LRRC4C: variants seen among roughly 807,000 people sequenced by gnomAD.
The protein encoded by LRRC4C is leucine-rich repeat-containing protein 4C.
Under a neutral mutation model 33.6 loss-of-function variants are expected in LRRC4C, and 5 were observed. The observed-to-expected ratio is 0.15, with a 90% CI of 0.08 to 0.31. The LOEUF (loss-of-function observed/expected upper bound fraction) is 0.31. Among genes scored for constraint, LRRC4C ranks in the 10% least tolerant of loss-of-function variants. The probability of loss-of-function intolerance (pLI) is 1.00; values close to 1 mark genes in which losing one functional copy is unlikely to be tolerated. For missense variants in LRRC4C, 560 were observed against 796.7 expected (o/e 0.70, Z 3.58); for synonymous variants, 329 against 302.0 (o/e 1.09, Z -0.93).
At chr11:40,391,115 C>T (rs533833536) in intron 3 of LRRC4C, among the ~76,000 whole-genome samples, 9 of 152,212 alleles carry the variant, frequency 5.9e-5, no homozygotes, top group Non-Finnish European at 1.2e-4. Context: ...CTCCTGACCT[C>T]GATCTGCCCA....
chr11:40,311,116 T>C (rs1945283508), intron 4 of LRRC4C, among the ~76,000 whole-genome samples: 2 of 152,240 alleles, frequency 1.3e-5, no homozygotes, highest in South Asian at 4.1e-4. Flanking sequence ...TTTTCAAAAC[T>C]CAACTCATCC....
chr11:40,894,528 A>G (rs928538050), intron 2 of LRRC4C, among the ~76,000 whole-genome samples: 10 of 152,172 alleles, frequency 6.6e-5, no homozygotes, highest in African/African-American at 2.4e-4. Context: ...TTATGAAAGA[A>G]TTTGATTATG....
chr11:41,277,948 C>T (rs10837613), intron 1 of LRRC4C, among the ~76,000 whole-genome samples: 35,727 of 151,554 alleles, frequency 0.24, 4,942 homozygotes, highest in African/African-American at 0.39. Context: ...AGACAAATAA[C>T]GCGTGATCCC....
At chr11:41,170,353 T>C (rs1944918005) in intron 1 of LRRC4C, among the ~76,000 whole-genome samples, 1 of 152,134 alleles carries the variant, frequency 6.6e-6, no homozygotes, top group African/African-American at 2.4e-5. Context: ...GACTTCAAAC[T>C]ATACTACAAG....
At chr11:40,177,477 A>G (rs1029323301) in intron 5 of LRRC4C, among the ~76,000 whole-genome samples, 2 of 151,828 alleles carry the variant, frequency 1.3e-5, no homozygotes, top group Non-Finnish European at 2.9e-5. Context: ...CTCCCTCACT[A>G]TATACCTTCC....
intron 5 of LRRC4C, among the ~76,000 whole-genome samples, chr11:40,164,365 A>G (rs986560317): frequency 6.6e-6 from 1 of 152,134 alleles, no homozygotes; most frequent in Non-Finnish European, 1.5e-5. Context: ...CTCAGCTTCC[A>G]AGAATAGCTG....
chr11:40,239,916 T>C (rs184691572), intron 5 of LRRC4C, among the ~76,000 whole-genome samples: 26 of 152,318 alleles, frequency 1.7e-4, no homozygotes, highest in African/African-American at 5.5e-4. Context: ...CTACACAAAG[T>C]GTTAAAGACC....
chr11:40,661,809 G>A (rs1943454036), intron 2 of LRRC4C, among the ~76,000 whole-genome samples: 1 of 152,142 alleles, frequency 6.6e-6, no homozygotes, highest in South Asian at 2.1e-4. Context: ...ATAATCCTGT[G>A]AGCTTGATTC....
chr11:40,914,264 A>G (rs1168828274), intron 2 of LRRC4C, among the ~76,000 whole-genome samples: 1 of 152,220 alleles, frequency 6.6e-6, no homozygotes. Context: ...TTTTAGGCCA[A>G]TATCCCTGAT....
At chr11:40,616,866 A>C (rs958472549) in intron 3 of LRRC4C, among the ~76,000 whole-genome samples, 7 of 151,548 alleles carry the variant, frequency 4.6e-5, no homozygotes, top group Non-Finnish European at 7.4e-5. Context: ...CATATGTAAC[A>C]AACCTGCACA....
At chr11:40,182,120 T>C (rs1861055046) in intron 5 of LRRC4C, among the ~76,000 whole-genome samples, 2 of 152,246 alleles carry the variant, frequency 1.3e-5, no homozygotes. Context: ...AAATATACTT[T>C]GTAAAGTAAT....
At chr11:40,981,070 A>G (rs1189242973) in intron 1 of LRRC4C, among the ~76,000 whole-genome samples, 7 of 152,194 alleles carry the variant, frequency 4.6e-5, no homozygotes, top group Admixed American at 4.6e-4. Context: ...TCACACAGCT[A>G]GTCGGGTATG....
intron 4 of LRRC4C, among the ~76,000 whole-genome samples, chr11:40,309,585 A>C (rs1945202746): frequency 6.6e-6 from 1 of 150,964 alleles, no homozygotes; most frequent in African/African-American, 2.4e-5. Context: ...AGCTCACTGC[A>C]ACCTCCACCT....
chr11:40,393,023 G>A (rs1452066361), intron 3 of LRRC4C, among the ~76,000 whole-genome samples: 1 of 152,006 alleles, frequency 6.6e-6, no homozygotes, highest in Non-Finnish European at 1.5e-5. Flanking sequence ...ATAAAGGCAT[G>A]TATAAAGGGC....
At chr11:40,207,037 A>T (rs1167293389) in intron 5 of LRRC4C, among the ~76,000 whole-genome samples, 1 of 152,186 alleles carries the variant, frequency 6.6e-6, no homozygotes, top group African/African-American at 2.4e-5. Context: ...CCCTCCATAC[A>T]TCAAACAATT....
chr11:41,047,114 C>G (rs1480355028), intron 1 of LRRC4C, among the ~76,000 whole-genome samples: 3 of 152,032 alleles, frequency 2.0e-5, no homozygotes, highest in Non-Finnish European at 4.4e-5. Context: ...TAAATCATAT[C>G]TCTAATAAGG....
chr11:40,891,617 T>C (rs534422512), intron 2 of LRRC4C, among the ~76,000 whole-genome samples: 1 of 152,090 alleles, frequency 6.6e-6, no homozygotes, highest in African/African-American at 2.4e-5. Flanking sequence ...TTTTTCAAAC[T>C]AAGACAAACA....
chr11:40,146,902 T>C (rs1003512189), intron 5 of LRRC4C, among the ~76,000 whole-genome samples: 1 of 152,164 alleles, frequency 6.6e-6, no homozygotes, highest in Non-Finnish European at 1.5e-5. Flanking sequence ...TAGCGCTTTC[T>C]AGGTTGCATT....
intron 3 of LRRC4C, among the ~76,000 whole-genome samples, chr11:40,576,833 G>C (rs2135598374): frequency 6.6e-6 from 1 of 152,258 alleles, no homozygotes; most frequent in South Asian, 2.1e-4. Flanking sequence ...TTTCATCTTT[G>C]TGGGTTTAGC....
Sources: allele counts gnomAD v4.1 joint callset (sites outside exome capture counted in the v4.1 genomes callset), GRCh38; gene constraint gnomAD v4.1.1; transcripts MANE v1.5; gene names NCBI Gene and HGNC (gene_info 2026-07-23, HGNC 2026-07-21).